The following POLR2F variants were observed in gnomAD, a reference collection of about 807,000 sequenced individuals.
The protein encoded by POLR2F is DNA-directed RNA polymerases I, II, and III subunit RPABC2.
A neutral mutation model predicts 22.7 loss-of-function variants in POLR2F; 12 were observed. The observed-to-expected ratio is 0.53, with a 90% CI of 0.34 to 0.86. POLR2F has a LOEUF of 0.86. POLR2F is among the 40% of genes least tolerant of loss of function. POLR2F has a pLI of 0.02. For missense variants in POLR2F, 126 were observed against 171.5 expected, an observed-to-expected ratio of 0.73 and a Z score of 1.48; for synonymous variants, 57 against 66.0, an observed-to-expected ratio of 0.86 and a Z score of 0.66.
chr22:37,995,294 A>C (rs1028897758), intron 1 of POLR2F, among the ~76,000 whole-genome samples: 1 of 152,206 alleles, frequency 6.6e-6, no homozygotes, highest in South Asian at 2.1e-4. Flanking sequence ...CAGATGCTCA[A>C]TAAGTGCTTG....
chr22:38,032,267 G>C (rs900347251), intron 5 of POLR2F: 3 of 152,212 alleles, frequency 2.0e-5, no homozygotes, highest in African/African-American at 7.2e-5. Context: ...CAAAGTGCCA[G>C]GGTTACAGAT....
intron 1 of POLR2F, among the ~76,000 whole-genome samples, chr22:37,955,614 T>C (rs371810096): frequency 6.6e-6 from 1 of 152,004 alleles, no homozygotes; most frequent in Non-Finnish European, 1.5e-5. Context: ...CTAGCAATAT[T>C]TGGGGGCAGA....
At position 37,959,465 on chromosome 22, in the gene POLR2F, G is replaced by A. The variant is rs754375693; in HGVS notation, c.210G>A (p.Ala70=). ...GAGCCCGCGTGCTGGGCACCCGAGC[G>A]CTCCAGATTGCGTGAGTGATTGCCC... ...YERARVLGTR[A]LQIAMCAPVM... Residue 70 remains alanine (A), a synonymous_variant, in exon 3 of 5, where the codon GCG becomes GCA. Coordinates refer to ENST00000442738, the MANE Select transcript of POLR2F (RefSeq NM_021974.5). 1.5e-5 allele frequency: 25 copies of A among 1,613,594 alleles called. No individual in the cohort carries two copies. The highest frequency in any genetic ancestry group is 4.0e-5 in the African/African-American group (3 of 74,910).
intron 1 of POLR2F, among the ~76,000 whole-genome samples, chr22:38,003,760 A>G (rs748937744): frequency 1.3e-5 from 2 of 151,268 alleles, no homozygotes; most frequent in Non-Finnish European, 2.9e-5. Context: ...TATTTTTATT[A>G]GAGATAGGGT....
downstream of POLR2F, among the ~76,000 whole-genome samples, chr22:37,969,980 A>G (rs757873974): frequency 5.9e-5 from 9 of 152,136 alleles, no homozygotes; most frequent in Non-Finnish European, 1.0e-4. Context: ...CAGTTTTAGA[A>G]CTGATTAGAC....
chr22:38,002,977 G>A (rs774063820), intron 1 of POLR2F, among the ~76,000 whole-genome samples: 16 of 151,878 alleles, frequency 1.1e-4, no homozygotes, highest in South Asian at 2.1e-4. Context: ...TGCTTGCCTC[G>A]GCCTCTCAAA....
intron 1 of POLR2F, among the ~76,000 whole-genome samples, chr22:37,993,662 T>C (rs1932759869): frequency 1.3e-5 from 2 of 152,084 alleles, no homozygotes; most frequent in Admixed American, 1.3e-4. Context: ...ATCTCCTGTC[T>C]GTAAAATGAG....
downstream of POLR2F, among the ~76,000 whole-genome samples, chr22:38,030,279 G>T (rs894269748): frequency 6.6e-6 from 1 of 152,108 alleles, no homozygotes; most frequent in South Asian, 2.1e-4. Flanking sequence ...CCAGGAGTCG[G>T]GCCCTCTGGA....
upstream of POLR2F, chr22:37,983,809 CG>C: frequency 7.1e-7 from 1 of 1,406,770 alleles, no homozygotes; most frequent in Non-Finnish European, 9.3e-7. The surrounding 1 kb of genome is among the most constrained non-coding windows in gnomAD (Gnocchi z 9.5). Context: ...CCGCCGCCGC[CG>C]CCTCGGCCGC....
intron 3 of POLR2F, among the ~76,000 whole-genome samples, chr22:37,963,879 A>G (rs1165840278): frequency 6.6e-6 from 1 of 152,150 alleles, no homozygotes; most frequent in Non-Finnish European, 1.5e-5. Context: ...AGGTGGGCGG[A>G]TCACCTGAGG....
chr22:38,013,351 G>A (rs2084888993), intron 1 of POLR2F, among the ~76,000 whole-genome samples: 1 of 152,010 alleles, frequency 6.6e-6, no homozygotes, highest in Non-Finnish European at 1.5e-5. Context: ...TCATCATGTT[G>A]GCCAGGCTGA....
chr22:38,006,043 T>C (rs2084818181), intron 1 of POLR2F, among the ~76,000 whole-genome samples: 1 of 152,018 alleles, frequency 6.6e-6, no homozygotes, highest in Non-Finnish European at 1.5e-5. Flanking sequence ...GGCAACCTAG[T>C]GAGACACCAT....
chr22:37,970,973 AG>A (rs1009726924), downstream of POLR2F: 3 of 279,494 alleles, frequency 1.1e-5, no homozygotes, highest in African/African-American at 6.6e-5. Flanking sequence ...AGTTTTGGGG[AG>A]GTTGCTTGAA....
intron 1 of POLR2F, chr22:38,025,450 A>G (rs1394257447): frequency 1.5e-6 from 2 of 1,309,134 alleles, no homozygotes; most frequent in Non-Finnish European, 2.0e-6. Context: ...ACTGATTCAT[A>G]TACACACACG....
chr22:38,040,826 C>A, intron 5 of POLR2F: 1 of 562,822 alleles, frequency 1.8e-6, no homozygotes. Flanking sequence ...TTTGGGCTTG[C>A]TGTCCTGCAC....
At chr22:37,959,546 T>G (rs1931542484) in intron 3 of POLR2F, 70 bp downstream of exon 3, 2 of 1,534,942 alleles carry the variant, frequency 1.3e-6, no homozygotes, top group Admixed American at 3.6e-5. Context: ...CGCTGATCTT[T>G]CCCAGCCTGG....
intron 1 of POLR2F, among the ~76,000 whole-genome samples, chr22:38,010,107 G>A (rs2084857834): frequency 6.6e-6 from 1 of 152,182 alleles, no homozygotes; most frequent in Non-Finnish European, 1.5e-5. Flanking sequence ...GGGCGTGGTG[G>A]CTTATGCCTG....
upstream of POLR2F, chr22:37,984,469 G>A (rs1419785611): frequency 6.5e-6 from 1 of 152,928 alleles, no homozygotes; most frequent in Non-Finnish European, 1.5e-5. The surrounding 1 kb of genome is among the most constrained non-coding windows in gnomAD (Gnocchi z 4.4). Flanking sequence ...GGGGCCCTGA[G>A]CCTCAGGCCA....
At chr22:37,987,147 C>T (rs1275478150) in intron 1 of POLR2F, 2 of 456,628 alleles carry the variant, frequency 4.4e-6, no homozygotes, top group Non-Finnish European at 8.8e-6. Flanking sequence ...GACCTGCCTT[C>T]TCTCAGGGTG....
Sources: allele counts gnomAD v4.1 joint callset (sites outside exome capture counted in the v4.1 genomes callset), GRCh38; gene constraint gnomAD v4.1.1; non-coding constraint Gnocchi (gnomAD v3.1); transcripts MANE v1.5; gene names NCBI Gene and HGNC (gene_info 2026-07-23, HGNC 2026-07-21).